Variants in RBMS1 observed in about 807,000 individuals in gnomAD.
RBMS1 encodes the protein RNA-binding motif, single-stranded-interacting protein 1.
RBMS1 carries 17 observed loss-of-function variants against 62.3 expected under a neutral mutation model. The ratio of observed to expected loss-of-function variants is 0.27; its 90% CI spans 0.19 to 0.41. The LOEUF (loss-of-function observed/expected upper bound fraction) is 0.41. Ranked by LOEUF, RBMS1 falls within the 10% of genes least tolerant of loss-of-function variation. The probability of loss-of-function intolerance (pLI) is 1.00; values close to 1 mark genes in which losing one functional copy is unlikely to be tolerated. For synonymous variants in RBMS1, 172 were observed against 170.0 expected (o/e 1.01, Z -0.09); for missense variants, 334 against 504.5 (o/e 0.66, Z 3.24).
At chr2:160,458,811 A>AT (rs1359635119) in intron 1 of RBMS1, among the ~76,000 whole-genome samples, 1 of 152,064 alleles carries the variant, frequency 6.6e-6, no homozygotes, top group Non-Finnish European at 1.5e-5. Context: ...AAAAAAAAAA[A>AT]ATCTCCAAAG....
intron 2 of RBMS1, among the ~76,000 whole-genome samples, chr2:160,337,424 G>A (rs1298392265): frequency 6.6e-6 from 1 of 152,016 alleles, no homozygotes; most frequent in African/African-American, 2.4e-5. Flanking sequence ...GTAAGCCATC[G>A]TGCCTGGCCC....
chr2:160,291,291 T>C (rs1688666058), intron 6 of RBMS1, among the ~76,000 whole-genome samples: 1 of 152,132 alleles, frequency 6.6e-6, no homozygotes, highest in African/African-American at 2.4e-5. Context: ...TTTATCCTAA[T>C]CAAAACACTG....
chr2:160,388,319 A>G (rs928969502), intron 1 of RBMS1, among the ~76,000 whole-genome samples: 1 of 152,192 alleles, frequency 6.6e-6, no homozygotes, highest in Non-Finnish European at 1.5e-5. Flanking sequence ...CAGGTAACCC[A>G]GATAGCCTAA....
chr2:160,364,845 C>A (rs1457601049), intron 2 of RBMS1, among the ~76,000 whole-genome samples: 1 of 152,182 alleles, frequency 6.6e-6, no homozygotes, highest in Non-Finnish European at 1.5e-5. Flanking sequence ...AGAGCCAAAT[C>A]ATTTGTTTCC....
At chr2:160,322,635 G>A (rs1165640719) in intron 2 of RBMS1, among the ~76,000 whole-genome samples, 1 of 152,302 alleles carries the variant, frequency 6.6e-6, no homozygotes, top group Non-Finnish European at 1.5e-5. Flanking sequence ...ACAGGAAGCT[G>A]CTTATTTGGA....
At chr2:160,374,010 T>C (rs1693865895) in intron 1 of RBMS1, among the ~76,000 whole-genome samples, 1 of 152,104 alleles carries the variant, frequency 6.6e-6, no homozygotes, top group African/African-American at 2.4e-5. Flanking sequence ...TGGTGGCTCA[T>C]ATCTGTAATC....
chr2:160,493,494 T>G lies in RBMS1; in HGVS notation c.-131A>C. ...CGGCGGCGGCTGCTGCTGCTGCCGCTGCTCCACCTCCCAGCCGGGACCAGA... is the reference window on the plus strand; with the variant it reads ...CGGCGGCGGCTGCTGCTGCTGCCGCGGCTCCACCTCCCAGCCGGGACCAGA... On this transcript the variant is annotated 5_prime_UTR_variant, in exon 1 of 14. Transcript: ENST00000348849. 1 of 745,354 alleles carries G rather than the reference T, an allele frequency of 1.3e-6. No homozygotes were observed. The highest frequency in any genetic ancestry group is 1.5e-5 in the South Asian group (1 of 67,090). The allele number at this position is 745,354 out of a possible 1,614,324, so 46.2% of individuals were successfully genotyped here. A position where few individuals can be genotyped will look rare whatever the true frequency, so the allele number is the denominator to read the frequency against.
In RBMS1 at chr2:160,385,848, C is replaced by T. The variant is rs1408497721; in HGVS notation, c.76-18457G>A. ...ATCTATGTACCACATGACAAACCTG[C>T]GCTCACAAGAGACTCAGAATGGATG... On this transcript the variant is annotated intron_variant, in intron 1 of 13. Transcript: ENST00000348849. Among the ~76,000 whole-genome samples the T allele has an allele frequency of 2.0e-5, 3 of 152,162 alleles. 1 individual carries two copies. Among genetic ancestry groups the T allele is most frequent in the South Asian group, 4.1e-4 (2 of 4,830 alleles).
chr2:160,372,396 T>A (rs1693775440), intron 1 of RBMS1, among the ~76,000 whole-genome samples: 2 of 152,170 alleles, frequency 1.3e-5, no homozygotes, highest in South Asian at 4.1e-4. Context: ...CAGGTTGGTT[T>A]AATACATCAA....
intron 1 of RBMS1, among the ~76,000 whole-genome samples, chr2:160,487,135 T>G (rs1487852761): frequency 2.0e-5 from 3 of 152,170 alleles, no homozygotes; most frequent in Non-Finnish European, 2.9e-5. Context: ...TTAAAAGAAT[T>G]TATACAGCAG....
intron 1 of RBMS1, among the ~76,000 whole-genome samples, chr2:160,430,306 T>A (rs1205682041): frequency 1.3e-5 from 2 of 152,256 alleles, no homozygotes; most frequent in Non-Finnish European, 2.9e-5. Flanking sequence ...TACTCCATAA[T>A]AGATAATTGA....
intron 2 of RBMS1, among the ~76,000 whole-genome samples, chr2:160,353,106 T>C (rs559973300): frequency 2.0e-5 from 3 of 152,252 alleles, no homozygotes; most frequent in Non-Finnish European, 4.4e-5. Context: ...ACTGATACTG[T>C]TCTGCAACTG....
intron 2 of RBMS1, among the ~76,000 whole-genome samples, chr2:160,338,797 G>T (rs1468597377): frequency 6.6e-6 from 1 of 152,162 alleles, no homozygotes; most frequent in Non-Finnish European, 1.5e-5. Flanking sequence ...AGAAGACAGG[G>T]TGTGCACAGA....
At chr2:160,418,243 TAC>T (rs1347850935) in intron 1 of RBMS1, among the ~76,000 whole-genome samples, 1 of 152,214 alleles carries the variant, frequency 6.6e-6, no homozygotes, top group Non-Finnish European at 1.5e-5. Context: ...TGCATGCATA[TAC>T]ACAGACACGC....
At chr2:160,408,294 C>T (rs1695878815) in intron 1 of RBMS1, among the ~76,000 whole-genome samples, 1 of 151,946 alleles carries the variant, frequency 6.6e-6, no homozygotes, top group Non-Finnish European at 1.5e-5. Context: ...TCTTCTTCAC[C>T]TTTCGAACTA....
rs372248591 is a variant in RBMS1, at chr2:160,284,733, C to A, written c.900+42G>T. 34 of 1,382,010 alleles carry A rather than the reference C, an allele frequency of 2.5e-5. No homozygotes were observed. In the African/African-American group the frequency reaches 4.1e-4, roughly 17 times the overall value. The allele number at this position is 1,382,010 out of a possible 1,614,324, so 85.6% of individuals were successfully genotyped here. ...TAAAAATGTAGCAGAGATTCATGGT[C>A]CGCAAGTGGTTATACTGCTGACGAA... On this transcript the variant is annotated intron_variant, in intron 9 of 13. Coordinates refer to ENST00000348849, the MANE Select transcript of RBMS1 (RefSeq NM_016836.4).
chr2:160,417,227 A>G (rs1462001832), intron 1 of RBMS1, among the ~76,000 whole-genome samples: 1 of 152,220 alleles, frequency 6.6e-6, no homozygotes, highest in Admixed American at 6.5e-5. Context: ...TGGGTTAAAA[A>G]GAGTTATATA....
chr2:160,322,605 G>A (rs1690631562), intron 2 of RBMS1, among the ~76,000 whole-genome samples: 1 of 152,200 alleles, frequency 6.6e-6, no homozygotes, highest in African/African-American at 2.4e-5. Context: ...CTGCATACTG[G>A]CCTTCTGCAA....
intron 1 of RBMS1, among the ~76,000 whole-genome samples, chr2:160,379,798 C>G (rs575224706): frequency 5.9e-5 from 9 of 152,038 alleles, no homozygotes; most frequent in Non-Finnish European, 1.3e-4. Context: ...TCTCTTTTAC[C>G]AAAATGTGCA....
Sources: allele counts gnomAD v4.1 joint callset (sites outside exome capture counted in the v4.1 genomes callset), GRCh38; gene constraint gnomAD v4.1.1; transcripts MANE v1.5; gene names NCBI Gene and HGNC (gene_info 2026-07-23, HGNC 2026-07-21).